Variants in CLSTN2 observed in about 807,000 individuals in gnomAD.
CLSTN2 encodes calsyntenin 2, also known as calsyntenin-2.
Under a neutral mutation model 101.2 loss-of-function variants are expected in CLSTN2, and 48 were observed. The observed-to-expected ratio is 0.47, with a 90% CI of 0.38 to 0.60. CLSTN2 has a LOEUF of 0.60. Among genes scored for constraint, CLSTN2 ranks in the 20% least tolerant of loss-of-function variants. The pLI is 0.00. For synonymous variants in CLSTN2, 481 were observed against 463.6 expected (o/e 1.04, Z -0.48); for missense variants, 1,160 against 1,238.2 (o/e 0.94, Z 0.95).
intron 1 of CLSTN2, among the ~76,000 whole-genome samples, chr3:140,069,943 G>A (rs549493138): frequency 7.5e-4 from 114 of 152,318 alleles, no homozygotes; most frequent in Non-Finnish European, 1.1e-3. Context: ...AGGGAAAGTT[G>A]TTTGAGAGCA....
intron 1 of CLSTN2, among the ~76,000 whole-genome samples, chr3:140,026,188 T>G (rs1245468668): frequency 6.6e-6 from 1 of 152,154 alleles, no homozygotes; most frequent in African/African-American, 2.4e-5. Context: ...ATGGAAAACA[T>G]TGGAGTTGGG....
chr3:140,466,774 G>T (rs367753538), intron 8 of CLSTN2, 43 bp downstream of exon 8: 1 of 1,611,558 alleles, frequency 6.2e-7, no homozygotes, highest in Non-Finnish European at 8.5e-7. Flanking sequence ...ATGCCTCTGC[G>T]GGGGTGGCCA....
Position 140,473,397 on chromosome 3 carries a change from C to T in CLSTN2, c.1344+6666C>T, listed in dbSNP as rs535811434. On this transcript the variant is annotated intron_variant, in intron 8 of 16. Coordinates refer to ENST00000458420, the MANE Select transcript of CLSTN2 (RefSeq NM_022131.3). The stretch of plus-strand genomic sequence containing the variant: ...GAATATGTGGCATTACATGGCAAGA[C>T]GGTGTTCGCATATGTGACTAAGTTA... Among the ~76,000 whole-genome samples the T allele has an allele frequency of 1.6e-4, 25 of 152,214 alleles. No homozygotes were observed. The South Asian group carries it at 1.7e-3, about 10-fold the overall frequency.
At chr3:140,500,199 A>G (rs1371536136) in intron 8 of CLSTN2, among the ~76,000 whole-genome samples, 2 of 152,178 alleles carry the variant, frequency 1.3e-5, no homozygotes, top group Non-Finnish European at 2.9e-5. Context: ...CTTTGGAAAC[A>G]AGTATCTTTT....
chr3:140,447,798 G>C (rs1389330655), intron 5 of CLSTN2, among the ~76,000 whole-genome samples: 2 of 152,122 alleles, frequency 1.3e-5, no homozygotes, highest in Non-Finnish European at 2.9e-5. Context: ...TGTCATCGGT[G>C]GCACATTAGA....
chr3:140,199,558 C>A, intron 2 of CLSTN2, among the ~76,000 whole-genome samples: 1 of 152,210 alleles, frequency 6.6e-6, no homozygotes, highest in East Asian at 1.9e-4. Context: ...GGGTGCTTAT[C>A]AAACTAGGAG....
Position 140,020,918 on chromosome 3 carries a change from G to A in CLSTN2, c.109+85435G>A, listed in dbSNP as rs141615484. On this transcript the variant is annotated intron_variant, in intron 1 of 16. Coordinates refer to ENST00000458420, the MANE Select transcript of CLSTN2 (RefSeq NM_022131.3). ...CAGACTGCTTCGTCTTCTAATTGCC[G>A]ATGGAAAATGGATGCCGATCTCTGC... 1.1e-3 allele frequency among the ~76,000 whole-genome samples: 166 copies of A among 152,310 alleles called. 1 individual carries two copies. Among genetic ancestry groups the A allele is most frequent in the African/African-American group, 3.4e-3 (140 of 41,570 alleles).
At chr3:140,153,432 A>T (rs2009900200) in intron 1 of CLSTN2, among the ~76,000 whole-genome samples, 2 of 152,278 alleles carry the variant, frequency 1.3e-5, no homozygotes, top group Non-Finnish European at 2.9e-5. Flanking sequence ...GCAGCAGTGC[A>T]GAGCAGGGCT....
intron 2 of CLSTN2, among the ~76,000 whole-genome samples, chr3:140,222,348 G>GTGGGGGTGGAAGGGAGT (rs1274421044): frequency 6.6e-6 from 1 of 152,140 alleles, no homozygotes; most frequent in Non-Finnish European, 1.5e-5. Flanking sequence ...TGGAAGGGAG[G>GTGGGGGTGGAAGGGAGT]TGGGGATAGT....
rs1322098680 is a variant in CLSTN2, at chr3:140,558,697, C to T, written c.1881C>T (p.Val627=). ...SIPEVDAYVM[V]LQAIEPRITL... ...CTGAGGTAGATGCCTATGTGATGGT[C>T]CTCCAGGCCATCGAGCCCCGGATCA... Residue 627 remains valine, a synonymous_variant, in exon 12 of 17, where the codon GTC becomes GTT. Transcript: ENST00000458420. The T allele has an allele frequency of 1.9e-6, 3 of 1,614,048 alleles. No homozygotes were observed. The highest frequency in any genetic ancestry group is 2.2e-5 in the East Asian group (1 of 44,868).
chr3:139,935,291 G>T lies in CLSTN2; in HGVS notation c.-84G>T, dbSNP rs1467497671. ...CGCACCCATCGGGCACGGCGAGGCGGCCCACGGTGCGGCAGGCACCGGGAG... is the reference window on the plus strand; with the variant it reads ...CGCACCCATCGGGCACGGCGAGGCGTCCCACGGTGCGGCAGGCACCGGGAG... On this transcript the variant is annotated 5_prime_UTR_variant, in exon 1 of 17. Coordinates refer to ENST00000458420, the MANE Select transcript of CLSTN2 (RefSeq NM_022131.3). This position sits in a 1 kb window ranked among gnomAD's most constrained non-coding sequence, Gnocchi z 5.5. The T allele has an allele frequency of 7.2e-6, 5 of 698,944 alleles. No individual in the cohort carries two copies. Among genetic ancestry groups the T allele is most frequent in the African/African-American group, 3.7e-5 (2 of 53,880 alleles). The allele number at this position is 698,944 out of a possible 1,614,324, so 43.3% of individuals were successfully genotyped here. A position where few individuals can be genotyped will look rare whatever the true frequency, so the allele number is the denominator to read the frequency against.
chr3:139,989,559 T>C (rs2107827531), intron 1 of CLSTN2, among the ~76,000 whole-genome samples: 1 of 152,274 alleles, frequency 6.6e-6, no homozygotes, highest in East Asian at 1.9e-4. Context: ...TCCCCAGTAG[T>C]CTGCCTTCTC....
intron 1 of CLSTN2, among the ~76,000 whole-genome samples, chr3:139,966,738 G>A (rs944035621): frequency 6.6e-6 from 1 of 152,174 alleles, no homozygotes; most frequent in East Asian, 1.9e-4. Context: ...ATCCTCAGAG[G>A]CTCATAAGTG....
intron 8 of CLSTN2, among the ~76,000 whole-genome samples, chr3:140,470,457 C>G (rs1406520448): frequency 2.0e-5 from 3 of 152,008 alleles, no homozygotes; most frequent in African/African-American, 7.2e-5. Context: ...GGCAGGGCAG[C>G]CTAGTGGCAG....
chr3:140,459,625 G>T lies in CLSTN2; in HGVS notation c.1078G>T (p.Gly360Cys). The T allele has an allele frequency of 6.2e-7, 1 of 1,614,150 alleles. No homozygotes were observed. Among genetic ancestry groups the T allele is most frequent in the Non-Finnish European group, 8.5e-7 (1 of 1,180,012 alleles). The change falls in exon 7 of 17, where the codon GGC (glycine) becomes TGC (cysteine). Residue 360 changes from glycine to cysteine, a missense_variant. By Grantham distance (159) the Gly-to-Cys change is radical. Transcript: ENST00000458420. ...DSSEMIFKFD[G>C]RQGAKVPDGI... is the part of the protein sequence containing the mutation. ...CAGTGAGATGATCTTCAAGTTTGACGGCAGGCAGGGTGCCAAAGTCCCCGA... is the reference window on the plus strand; with the variant it reads ...CAGTGAGATGATCTTCAAGTTTGACTGCAGGCAGGGTGCCAAAGTCCCCGA...
At chr3:140,041,557 C>A (rs993401273) in intron 1 of CLSTN2, among the ~76,000 whole-genome samples, 1 of 152,164 alleles carries the variant, frequency 6.6e-6, no homozygotes, top group Non-Finnish European at 1.5e-5. Context: ...CATGCCCCCA[C>A]CTGTCATTTT....
intron 9 of CLSTN2, among the ~76,000 whole-genome samples, chr3:140,542,040 C>A (rs1935490896): frequency 6.6e-6 from 1 of 152,138 alleles, no homozygotes; most frequent in African/African-American, 2.4e-5. Flanking sequence ...GAAGCTAAGA[C>A]TTCAAAAATA....
chr3:140,563,335 A>G, intron 15 of CLSTN2, 132 bp downstream of exon 15: 1 of 992,164 alleles, frequency 1.0e-6, no homozygotes, highest in South Asian at 1.6e-5. Flanking sequence ...AGCAATGGAG[A>G]AAATGTGCCC....
chr3:140,402,116 G>T (rs1169810000), intron 2 of CLSTN2, among the ~76,000 whole-genome samples: 2 of 152,210 alleles, frequency 1.3e-5, no homozygotes, highest in South Asian at 2.1e-4. Flanking sequence ...AAAGCATAAA[G>T]GTAAGATTGG....
Sources: gnomAD v4.1 joint callset for allele counts (sites outside exome capture counted in the v4.1 genomes callset) on GRCh38, gnomAD v4.1.1 for gene constraint, Gnocchi (gnomAD v3.1) non-coding constraint, MANE v1.5 for transcripts, NCBI Gene and HGNC (gene_info 2026-07-23, HGNC 2026-07-21) for gene names.